DDX18: variants seen among roughly 807,000 people sequenced by gnomAD.
The protein encoded by DDX18 is ATP-dependent RNA helicase DDX18.
In DDX18, 23 loss-of-function variants were observed where a neutral mutation model predicts 73.5. That is an observed-to-expected ratio of 0.31 (90% confidence interval 0.23 to 0.44). DDX18 has a LOEUF of 0.44. Ranked by LOEUF, DDX18 falls within the 20% of genes least tolerant of loss-of-function variation. The probability of loss-of-function intolerance (pLI) is 1.00; values close to 1 mark genes in which losing one functional copy is unlikely to be tolerated. For missense variants in DDX18, 753 were observed against 792.9 expected, an observed-to-expected ratio of 0.95 and a Z score of 0.60; for synonymous variants, 268 against 282.7, an observed-to-expected ratio of 0.95 and a Z score of 0.52.
chr2:117,818,440 G>A (rs181144614), intron 2 of DDX18, among the ~76,000 whole-genome samples: 58 of 152,296 alleles, frequency 3.8e-4, no homozygotes, highest in Admixed American at 3.1e-3. Flanking sequence ...CCCTGAGTTG[G>A]AACATCCTAT....
intron 7 of DDX18, among the ~76,000 whole-genome samples, chr2:117,823,443 A>G (rs1021467060): frequency 6.6e-6 from 1 of 152,176 alleles, no homozygotes; most frequent in African/African-American, 2.4e-5. Flanking sequence ...GCTTTAATAT[A>G]TACATATATA....
At chr2:117,826,244 C>T in intron 10 of DDX18, 25 bp from the exon 11 acceptor site, 1 of 1,604,748 alleles carries the variant, frequency 6.2e-7, no homozygotes, top group Non-Finnish European at 8.5e-7. Context: ...ACTGCGTTAA[C>T]TCAGATTTTC....
At chr2:117,821,045 T>G (rs1679838698) in intron 3 of DDX18, 116 bp from the exon 4 acceptor site, 5 of 997,496 alleles carry the variant, frequency 5.0e-6, no homozygotes, top group Non-Finnish European at 7.1e-6. Context: ...ATAATTAAGG[T>G]TTAGCCTTTT....
chr2:117,824,505 G>T, intron 7 of DDX18, 64 bp from the exon 8 acceptor site: 1 of 1,293,512 alleles, frequency 7.7e-7, no homozygotes, highest in African/African-American at 1.5e-5. Flanking sequence ...AATATTTGTA[G>T]TTGTGAGGCA....
chr2:117,825,539 A>G lies in DDX18; in HGVS notation c.1461A>G (p.Arg487=), dbSNP rs776108762. The stretch of plus-strand genomic sequence containing the variant: ...TATTGTGTACGGATGTGGCAGCGAG[A>G]GGACTAGACATTCCTGAAGTCGACT... ...GTLLCTDVAA[R]GLDIPEVDWI... is the part of the protein sequence containing the mutation. The change falls in exon 10 of 14, where the codon AGA becomes AGG. Residue 487 remains arginine (R), a synonymous_variant. Coordinates refer to ENST00000263239, the MANE Select transcript of DDX18 (RefSeq NM_006773.4). 6.2e-7 allele frequency: 1 copy of G among 1,614,160 alleles called. No homozygotes were observed. The highest frequency in any genetic ancestry group is 8.5e-7 in the Non-Finnish European group (1 of 1,180,028).
intron 11 of DDX18, chr2:117,827,630 T>A (rs1679955714): frequency 6.6e-6 from 1 of 152,144 alleles, no homozygotes; most frequent in Non-Finnish European, 1.5e-5. Flanking sequence ...GAATGATGGT[T>A]TCCCGTGTCA....
intron 11 of DDX18, 170 bp downstream of exon 11, chr2:117,826,552 G>A (rs548431654): frequency 2.8e-5 from 18 of 641,362 alleles, no homozygotes; most frequent in African/African-American, 1.8e-4. Context: ...AGTGAGCACA[G>A]AAGGAACTGC....
intron 11 of DDX18, 57 bp downstream of exon 11, chr2:117,826,439 A>G (rs949275052): frequency 6.4e-5 from 96 of 1,495,096 alleles, no homozygotes; most frequent in Non-Finnish European, 8.4e-5. Flanking sequence ...TTAGCAAGCA[A>G]CATTTCTACA....
rs2104622236 is a variant in DDX18 at position 117,821,769 on chromosome 2, G to A, written c.751+19G>A. 2.5e-6 allele frequency: 4 copies of A among 1,613,832 alleles called. No homozygotes were observed. Among genetic ancestry groups the A allele is most frequent in the Non-Finnish European group, 3.4e-6 (4 of 1,179,840 alleles). On this transcript the variant is annotated intron_variant, in intron 5 of 13. Transcript: ENST00000263239. ...AGGAATGGTAAGCGTTCATCTGCTT[G>A]TTTCTGCCATTATTTCACTAGAGGT...
intron 1 of DDX18, among the ~76,000 whole-genome samples, chr2:117,816,586 C>T (rs1679763027): frequency 6.6e-6 from 1 of 152,166 alleles, no homozygotes; most frequent in South Asian, 2.1e-4. Context: ...ACCTCTCTCC[C>T]TGAGGCTCTT....
chr2:117,822,084 C>G (rs200935911), intron 6 of DDX18, 23 bp downstream of exon 6: 1 of 1,613,916 alleles, frequency 6.2e-7, no homozygotes, highest in Non-Finnish European at 8.5e-7. Flanking sequence ...GTGCTTGTCT[C>G]ATTGTCTTGT....
chr2:117,815,999 A>G (rs780040946), intron 1 of DDX18, among the ~76,000 whole-genome samples: 1 of 152,218 alleles, frequency 6.6e-6, no homozygotes, highest in African/African-American at 2.4e-5. Flanking sequence ...GAGAATTGTA[A>G]CACAATGGTA....
At chr2:117,822,605 A>G in intron 7 of DDX18, 1 of 188,642 alleles carries the variant, frequency 5.3e-6, no homozygotes, top group Non-Finnish European at 1.1e-5. Flanking sequence ...AACATTATGA[A>G]CTGGTTATAA....
At chr2:117,816,193 G>A (rs1361756945) in intron 1 of DDX18, among the ~76,000 whole-genome samples, 1 of 152,186 alleles carries the variant, frequency 6.6e-6, no homozygotes, top group Non-Finnish European at 1.5e-5. Flanking sequence ...GAACATTACT[G>A]TACACTATAG....
rs1199736424 is a variant in DDX18 at position 117,817,742 on chromosome 2, A to G, written c.370+14A>G. The G allele has an allele frequency of 5.1e-6, 8 of 1,577,516 alleles. No homozygotes were observed. The highest frequency in any genetic ancestry group is 4.5e-5 in the East Asian group (2 of 44,696). On this transcript the variant is annotated intron_variant, in intron 2 of 13. Coordinates refer to ENST00000263239, the MANE Select transcript of DDX18 (RefSeq NM_006773.4). ...ATGCTGAGCCTGGTAGGTATTTATT[A>G]TCTTTGAACTTCAGCCATTTAGTTT...
rs370840280 is a variant in DDX18, at chr2:117,821,615, T to C, written c.651-35T>C. ...TGTAGTACGTCGTAAATGAGTAGGC[T>C]AAATGTCTTTCTCCTTTCCCTTTTT... is the stretch of plus-strand genomic sequence containing the variant. On this transcript the variant is annotated intron_variant, in intron 4 of 13. Transcript: ENST00000263239. The C allele has an allele frequency of 9.4e-5, 151 of 1,610,644 alleles. 1 individual carries two copies. The African/African-American group carries it at 1.9e-3, about 20-fold the overall frequency.
chr2:117,827,435 C>T (rs542251377), intron 11 of DDX18: 1 of 151,956 alleles, frequency 6.6e-6, no homozygotes, highest in East Asian at 1.9e-4. Context: ...TGTGCTGCAC[C>T]CATAAACTCG....
intron 2 of DDX18, 85 bp downstream of exon 2, chr2:117,817,813 A>G (rs1383791568): frequency 2.9e-6 from 4 of 1,401,684 alleles, no homozygotes; most frequent in South Asian, 2.8e-5. Flanking sequence ...TTGTGTGCAC[A>G]TGACATGAGA....
Position 117,819,699 on chromosome 2 carries a change from G to A in DDX18, c.421G>A (p.Ala141Thr), listed in dbSNP as rs1330640488. The change falls in exon 3 of 14, where the codon GCC (alanine) becomes ACC (threonine). Residue 141 changes from alanine to threonine, a missense_variant. By Grantham distance (58) the Ala-to-Thr change is moderately conservative (BLOSUM62 0). Transcript: ENST00000263239. ...ENKGKSEEES[A>T]ETTKETENNV... The stretch of plus-strand genomic sequence containing the variant: ...CAAAGGGAAATCTGAAGAAGAAAGT[G>A]CCGAGACTACTAAAGAAACAGAAAA... The A allele has an allele frequency of 1.2e-6, 2 of 1,605,472 alleles. No homozygotes were observed. Among genetic ancestry groups the A allele is most frequent in the East Asian group, 4.5e-5 (2 of 44,468 alleles).
Sources: allele counts gnomAD v4.1 joint callset (sites outside exome capture counted in the v4.1 genomes callset), GRCh38; gene constraint gnomAD v4.1.1; transcripts MANE v1.5; gene names NCBI Gene and HGNC (gene_info 2026-07-23, HGNC 2026-07-21).